Variants in AK5 observed in about 807,000 individuals in gnomAD.
The protein encoded by AK5 is adenylate kinase 5, also known as adenylate kinase isoenzyme 5.
In AK5, 27 loss-of-function variants were observed where a neutral mutation model predicts 69.5. That is an observed-to-expected ratio of 0.39 (90% CI 0.29 to 0.54). The LOEUF (loss-of-function observed/expected upper bound fraction) is 0.54, where lower values mean the gene tolerates loss of function less well. AK5 is among the 20% of genes least tolerant of loss of function. AK5 has a pLI of 0.71. For missense variants in AK5, 531 were observed against 700.4 expected, an observed-to-expected ratio of 0.76 and a Z score of 2.73; for synonymous variants, 260 against 244.4, an observed-to-expected ratio of 1.06 and a Z score of -0.60.
chr1:77,477,690 C>T (rs1301808012), intron 8 of AK5, among the ~76,000 whole-genome samples: 2 of 151,456 alleles, frequency 1.3e-5, no homozygotes, highest in African/African-American at 4.9e-5. Context: ...TATCTATGTT[C>T]AGTGTCAGAA....
chr1:77,468,366 A>G (rs144637276), intron 8 of AK5, among the ~76,000 whole-genome samples: 2 of 152,324 alleles, frequency 1.3e-5, no homozygotes, highest in Non-Finnish European at 2.9e-5. Flanking sequence ...TGAGACACAC[A>G]GGTTGGTAAC....
intron 8 of AK5, among the ~76,000 whole-genome samples, chr1:77,481,003 G>A (rs542066873): frequency 4.6e-5 from 7 of 152,298 alleles, no homozygotes; most frequent in East Asian, 1.9e-4. Flanking sequence ...CTGAGACCAT[G>A]GTGAGCTCTG....
chr1:77,397,528 C>A (rs1228885188), intron 6 of AK5, among the ~76,000 whole-genome samples: 1 of 152,162 alleles, frequency 6.6e-6, no homozygotes, highest in Non-Finnish European at 1.5e-5. Flanking sequence ...TGATTGTCCA[C>A]TAATCCAATT....
intron 10 of AK5, among the ~76,000 whole-genome samples, chr1:77,512,227 G>A (rs368999033): frequency 3.9e-5 from 6 of 152,200 alleles, no homozygotes; most frequent in Admixed American, 2.6e-4. Context: ...ACATATATAC[G>A]TATGTGTGTG....
At chr1:77,411,813 T>A (rs1650064878) in intron 7 of AK5, among the ~76,000 whole-genome samples, 1 of 152,156 alleles carries the variant, frequency 6.6e-6, no homozygotes, top group Non-Finnish European at 1.5e-5. Flanking sequence ...AAATCACTAT[T>A]TGAAGCCACC....
intron 6 of AK5, among the ~76,000 whole-genome samples, chr1:77,384,538 C>T (rs1290683038): frequency 2.0e-5 from 3 of 152,048 alleles, no homozygotes; most frequent in Non-Finnish European, 2.9e-5. Context: ...CTACATAAGT[C>T]GATCAGATCA....
chr1:77,370,512 T>G (rs1487426757), intron 6 of AK5, among the ~76,000 whole-genome samples: 1 of 152,086 alleles, frequency 6.6e-6, no homozygotes, highest in Non-Finnish European at 1.5e-5. Context: ...ATCCACCACA[T>G]TTTAATGAAA....
At chr1:77,528,939 GTGAT>G (rs1658427491) in intron 12 of AK5, among the ~76,000 whole-genome samples, 1 of 152,178 alleles carries the variant, frequency 6.6e-6, no homozygotes, top group Non-Finnish European at 1.5e-5. Context: ...ACATACCTCA[GTGAT>G]TGTTGGGAAG....
intron 12 of AK5, among the ~76,000 whole-genome samples, chr1:77,533,658 C>T (rs1658795955): frequency 6.6e-6 from 1 of 152,094 alleles, no homozygotes; most frequent in Non-Finnish European, 1.5e-5. Context: ...AAAAAGCTAC[C>T]TCTCTGCCCC....
At chr1:77,554,887 A>G (rs1660010241) in intron 13 of AK5, among the ~76,000 whole-genome samples, 1 of 149,194 alleles carries the variant, frequency 6.7e-6, no homozygotes, top group Non-Finnish European at 1.5e-5. Flanking sequence ...AAGTGCTGGG[A>G]TTACAGGCGT....
chr1:77,414,990 T>C (rs1009227925), intron 7 of AK5, among the ~76,000 whole-genome samples: 4 of 152,178 alleles, frequency 2.6e-5, no homozygotes, highest in Admixed American at 1.3e-4. Flanking sequence ...TTGCCTCCTA[T>C]GATATATTAA....
At chr1:77,391,446 T>G (rs1013940465) in intron 6 of AK5, among the ~76,000 whole-genome samples, 8 of 133,918 alleles carry the variant, frequency 6.0e-5, no homozygotes, top group Non-Finnish European at 1.1e-4. Context: ...TATACATATA[T>G]GTGTGTGTAT....
Position 77,559,289 on chromosome 1 carries a change from G to C in AK5, c.*619G>C, listed in dbSNP as rs370618959. On this transcript the variant is annotated 3_prime_UTR_variant, in exon 14 of 14. Transcript: ENST00000354567. ...TGAAGATGTATAGCTTTCCCAAGATGATGGTAAAACCCAGGTTAGTCATCA... is the reference window on the plus strand; with the variant it reads ...TGAAGATGTATAGCTTTCCCAAGATCATGGTAAAACCCAGGTTAGTCATCA... The C allele has an allele frequency of 2.0e-5, 3 of 152,188 alleles. No homozygotes were observed. Among genetic ancestry groups the C allele is most frequent in the African/African-American group, 7.2e-5 (3 of 41,442 alleles). The allele number at this position is 152,188 out of a possible 1,614,324, so 9.4% of individuals were successfully genotyped here. A position where few individuals can be genotyped will look rare whatever the true frequency, so the allele number is the denominator to read the frequency against.
At chr1:77,463,161 T>A (rs1653940076) in intron 8 of AK5, among the ~76,000 whole-genome samples, 1 of 152,172 alleles carries the variant, frequency 6.6e-6, no homozygotes, top group Non-Finnish European at 1.5e-5. Context: ...AAGGGCCCAA[T>A]AACAAGCACC....
intron 8 of AK5, among the ~76,000 whole-genome samples, chr1:77,432,548 G>A (rs1651708544): frequency 6.6e-6 from 1 of 152,178 alleles, no homozygotes; most frequent in Admixed American, 6.5e-5. Context: ...TAGTAATATG[G>A]TAAATCCAAG....
At chr1:77,290,225 G>T (rs1658610540) in intron 2 of AK5, among the ~76,000 whole-genome samples, 1 of 152,164 alleles carries the variant, frequency 6.6e-6, no homozygotes, top group Non-Finnish European at 1.5e-5. Flanking sequence ...AAACTGGTTG[G>T]TCCTGTAATA....
At chr1:77,400,442 A>C (rs547817924) in intron 6 of AK5, among the ~76,000 whole-genome samples, 2 of 152,346 alleles carry the variant, frequency 1.3e-5, no homozygotes, top group African/African-American at 4.8e-5. Flanking sequence ...AAAATTGATA[A>C]AAAATGTATA....
chr1:77,305,007 C>A (rs928239986), intron 5 of AK5, among the ~76,000 whole-genome samples: 1 of 152,036 alleles, frequency 6.6e-6, no homozygotes, highest in African/African-American at 2.4e-5. Flanking sequence ...TTGTTGTTGC[C>A]TGTCTTTTGT....
At chr1:77,357,996 T>TGG in intron 6 of AK5, among the ~76,000 whole-genome samples, 1 of 100,522 alleles carries the variant, frequency 9.9e-6, no homozygotes, top group Non-Finnish European at 2.2e-5. Context: ...GAGAGTAGTG[T>TGG]GTGTGTGTGT....
Sources: allele counts gnomAD v4.1 joint callset (sites outside exome capture counted in the v4.1 genomes callset), GRCh38; gene constraint gnomAD v4.1.1; transcripts MANE v1.5; gene names NCBI Gene and HGNC (gene_info 2026-07-23, HGNC 2026-07-21).